Variants in RANBP6 observed in about 807,000 individuals in gnomAD.
RANBP6 encodes the protein ran-binding protein 6.
A neutral mutation model predicts 35.3 loss-of-function variants in RANBP6; 10 were observed. The ratio of observed to expected loss-of-function variants is 0.28; its 90% CI spans 0.17 to 0.48. RANBP6 has a LOEUF of 0.48. Ranked by LOEUF, RANBP6 falls within the 20% of genes least tolerant of loss-of-function variation. The pLI, the probability that RANBP6 is intolerant of heterozygous loss-of-function variation, is 0.99. For missense variants in RANBP6, 1,392 were observed against 1,307.7 expected (o/e 1.06, Z -0.99); for synonymous variants, 514 against 464.2 (o/e 1.11, Z -1.38).
chr9:6,011,301 T>C lies in RANBP6; in HGVS notation c.*989A>G, dbSNP rs1333685720. 3 of 152,218 alleles carry C rather than the reference T, an allele frequency of 2.0e-5. No homozygotes were observed. Among genetic ancestry groups the C allele is most frequent in the African/African-American group, 7.2e-5 (3 of 41,446 alleles). The allele number at this position is 152,218 out of a possible 1,614,324, so 9.4% of individuals were successfully genotyped here. ...CACATCTACTGCTAAATGACTACTC[T>C]CAAAGTTGTTTTCTTTTTCATGTTC... On this transcript the variant is annotated 3_prime_UTR_variant, in exon 1 of 1. Coordinates refer to ENST00000259569, the MANE Select transcript of RANBP6 (RefSeq NM_012416.4).
chr9:6,012,994 G>C lies in RANBP6; in HGVS notation c.2614C>G (p.Leu872Val). 6.2e-7 allele frequency: 1 copy of C among 1,613,606 alleles called. No homozygotes were observed. The highest frequency in any genetic ancestry group is 8.5e-7 in the Non-Finnish European group (1 of 1,179,662). ...KEKILPWFEQ[L>V]LPLIVNLICS... is the part of the protein sequence containing the mutation. Reference sequence around the variant, plus strand: ...ATTAGATTTACAATTAATGGAAGTAGTTGTTCAAACCATGGTAAAATCTTT... The same window carrying C: ...ATTAGATTTACAATTAATGGAAGTACTTGTTCAAACCATGGTAAAATCTTT... Residue 872 changes from leucine (L) to valine (V), a missense_variant, in exon 1 of 1, where the codon CTA (leucine) becomes GTA (valine). Leu to Val is a conservative substitution (Grantham distance 32). Transcript: ENST00000259569.
chr9:6,014,408 T>C lies in RANBP6; in HGVS notation c.1200A>G (p.Gln400=), dbSNP rs760327912. The change falls in exon 1 of 1, where the codon CAA becomes CAG. Residue 400 remains glutamine, a synonymous_variant. Coordinates refer to ENST00000259569, the MANE Select transcript of RANBP6 (RefSeq NM_012416.4). ...CTGTTTCATCTAGAATTGATTCCAT[T>C]TGTTGATGGCATCCTTCTCCAATGG... ...LSAIGEGCHQ[Q]MESILDETVN... 3 of 1,614,190 alleles carry C rather than the reference T, an allele frequency of 1.9e-6. No individual in the cohort carries two copies. The highest frequency in any genetic ancestry group is 8.5e-7 in the Non-Finnish European group (1 of 1,180,022).
In RANBP6 at chr9:6,012,328, G is replaced by T; in HGVS notation, c.3280C>A (p.Gln1094Lys). ...LECVSQLDDEQQEALQELLNF... is the reference protein window; with the variant it reads ...LECVSQLDDEKQEALQELLNF... ...AGCAACTCCTGTAAGGCTTCCTGCT[G>T]TTCATCATCAAGTTGTGATACACAT... Residue 1094 changes from glutamine to lysine, a missense_variant, in exon 1 of 1, where the codon CAG becomes AAG. Coordinates refer to ENST00000259569, the MANE Select transcript of RANBP6 (RefSeq NM_012416.4). 1 of 1,591,824 alleles carries T rather than the reference G, an allele frequency of 6.3e-7. No homozygotes were observed. The highest frequency in any genetic ancestry group is 8.5e-7 in the Non-Finnish European group (1 of 1,171,844).
Position 6,013,326 on chromosome 9 carries a change from A to G in RANBP6, c.2282T>C (p.Leu761Ser). The G allele has an allele frequency of 6.2e-7, 1 of 1,614,202 alleles. No individual in the cohort carries two copies. Among genetic ancestry groups the G allele is most frequent in the Non-Finnish European group, 8.5e-7 (1 of 1,180,020 alleles). The change falls in exon 1 of 1, where the codon TTA (leucine) becomes TCA (serine). Residue 761 changes from leucine to serine, a missense_variant. Leu to Ser is a moderately radical substitution (Grantham distance 145). Transcript: ENST00000259569. ...AQMWQFICDPLIKAIGTEPDT... is the reference protein window; with the variant it reads ...AQMWQFICDPSIKAIGTEPDT... ...TGGTTCAGTACCAATAGCCTTGATT[A>G]AGGGGTCACATATGAATTGCCACAT... is the stretch of plus-strand genomic sequence containing the variant.
Position 6,013,505 on chromosome 9 carries a change from C to T in RANBP6, c.2103G>A (p.Arg701=), listed in dbSNP as rs1419671000. 3.1e-6 allele frequency: 5 copies of T among 1,614,216 alleles called. No individual in the cohort carries two copies. The highest frequency in any genetic ancestry group is 4.2e-6 in the Non-Finnish European group (5 of 1,180,036). Residue 701 remains arginine, a synonymous_variant, in exon 1 of 1, where the codon AGG becomes AGA. Coordinates refer to ENST00000259569, the MANE Select transcript of RANBP6 (RefSeq NM_012416.4). ...QMLVYYAKEL[R]EGFVEYTEQV... ...GTTCTGTATATTCCACAAACCCTTC[C>T]CTTAACTCCTTAGCATAGTAAACCA...
Position 6,015,173 on chromosome 9 carries a change from A to G in RANBP6, c.435T>C (p.Ile145=). The change falls in exon 1 of 1, where the codon ATT becomes ATC. Residue 145 remains isoleucine, a synonymous_variant. Transcript: ENST00000259569. ...CCACATTTTTGGAGTAGATTGAATCAATAAGAAACTTCAGACCTTCCGGCC... is the reference window on the plus strand; with the variant it reads ...CCACATTTTTGGAGTAGATTGAATCGATAAGAAACTTCAGACCTTCCGGCC... The part of the protein sequence containing the change: ...NHWPEGLKFL[I]DSIYSKNVVL... The G allele has an allele frequency of 1.2e-6, 2 of 1,614,152 alleles. No individual in the cohort carries two copies. Among genetic ancestry groups the G allele is most frequent in the South Asian group, 2.2e-5 (2 of 91,082 alleles).
At position 6,012,864 on chromosome 9, in the gene RANBP6, C is replaced by G; in HGVS notation, c.2744G>C (p.Arg915Pro). 1 of 1,613,822 alleles carries G rather than the reference C, an allele frequency of 6.2e-7. No individual in the cohort carries two copies. Among genetic ancestry groups the G allele is most frequent in the Non-Finnish European group, 8.5e-7 (1 of 1,179,920 alleles). The change falls in exon 1 of 1, where the codon CGG (arginine) becomes CCG (proline). Residue 915 changes from arginine (R) to proline (P), a missense_variant. Transcript: ENST00000259569. ...PTSFKYVEYF[R>P]WPMLLNMRDN... is the part of the protein sequence containing the mutation. ...TCGCATATTTAGTAGCATTGGCCAC[C>G]GAAAATATTCTACATATTTAAATGA... is the stretch of plus-strand genomic sequence containing the variant.
chr9:6,012,242 TTG>T lies in RANBP6; in HGVS notation c.*46_*47del, dbSNP rs1842484125. ...AATAAAATCTATTCACAACACTTAT[TTG>T]TAGTTACTTTTATAATAGATAATAT... On this transcript the variant is annotated 3_prime_UTR_variant, in exon 1 of 1. Transcript: ENST00000259569. 7.7e-6 allele frequency: 10 copies of T among 1,304,750 alleles called. No homozygotes were observed. The highest frequency in any genetic ancestry group is 1.0e-5 in the Non-Finnish European group (10 of 966,640). 80.8% of individuals were successfully genotyped at this position (1,304,750 alleles called of 1,614,324 possible).
In RANBP6 at chr9:6,012,966, C is replaced by G; in HGVS notation, c.2642G>C (p.Cys881Ser). ...TCTGTCTGGCCATGGCCTACTTGAA[C>G]AAATTAGATTTACAATTAATGGAAG... is the stretch of plus-strand genomic sequence containing the variant. ...QLLPLIVNLI[C>S]SSRPWPDRQW... Residue 881 changes from cysteine (C) to serine (S), a missense_variant, in exon 1 of 1, where the codon TGT (cysteine) becomes TCT (serine). Coordinates refer to ENST00000259569, the MANE Select transcript of RANBP6 (RefSeq NM_012416.4). The G allele has an allele frequency of 1.2e-6, 2 of 1,614,120 alleles. No homozygotes were observed. Among genetic ancestry groups the G allele is most frequent in the Non-Finnish European group, 1.7e-6 (2 of 1,179,998 alleles).
In RANBP6 at chr9:6,014,105, C is replaced by G. The variant is rs1842530345; in HGVS notation, c.1503G>C (p.Leu501Phe). ...DSMVKNLHSV[L>F]VIKLQELIRN... ...GAATCAACTCTTGAAGTTTAATCAC[C>G]AAGACGGAATGTAGATTTTTCACCA... The change falls in exon 1 of 1, where the codon TTG (leucine) becomes TTC (phenylalanine). Residue 501 changes from leucine to phenylalanine, a missense_variant. Leu to Phe is a conservative substitution (Grantham distance 22). Transcript: ENST00000259569. 3.7e-6 allele frequency: 6 copies of G among 1,614,024 alleles called. No homozygotes were observed. Among genetic ancestry groups the G allele is most frequent in the Non-Finnish European group, 5.1e-6 (6 of 1,180,024 alleles).
Position 6,011,624 on chromosome 9 carries a change from G to T in RANBP6, c.*666C>A, listed in dbSNP as rs1842472649. 1 of 152,066 alleles carries T rather than the reference G, an allele frequency of 6.6e-6. No homozygotes were observed. Among genetic ancestry groups the T allele is most frequent in the African/African-American group, 2.4e-5 (1 of 41,414 alleles). The allele number at this position is 152,066 out of a possible 1,614,324, so 9.4% of individuals were successfully genotyped here. A position where few individuals can be genotyped will look rare whatever the true frequency, so the allele number is the denominator to read the frequency against. Reference sequence around the variant, plus strand: ...CCCTTTTCAGTAACTATGGTTCTTGGAGTCCTGGATAACTTAAAAAAATAG... The same window carrying T: ...CCCTTTTCAGTAACTATGGTTCTTGTAGTCCTGGATAACTTAAAAAAATAG... On this transcript the variant is annotated 3_prime_UTR_variant, in exon 1 of 1. Coordinates refer to ENST00000259569, the MANE Select transcript of RANBP6 (RefSeq NM_012416.4).
rs1842468081 is a variant in RANBP6, at chr9:6,011,441, A to G, written c.*849T>C. 1 of 152,220 alleles carries G rather than the reference A, an allele frequency of 6.6e-6. No individual in the cohort carries two copies. Among genetic ancestry groups the G allele is most frequent in the Non-Finnish European group, 1.5e-5 (1 of 68,038 alleles). 9.4% of individuals were successfully genotyped at this position (152,220 alleles called of 1,614,324 possible). ...AAATCAATTTAAGCCCTATAACTAGAGCTTTTTCTCTTGTTGAGCTGCTTT... is the reference window on the plus strand; with the variant it reads ...AAATCAATTTAAGCCCTATAACTAGGGCTTTTTCTCTTGTTGAGCTGCTTT... On this transcript the variant is annotated 3_prime_UTR_variant, in exon 1 of 1. Transcript: ENST00000259569.
In RANBP6 at chr9:6,013,108, T is replaced by C. The variant is rs778829981; in HGVS notation, c.2500A>G (p.Met834Val). The change falls in exon 1 of 1, where the codon ATG (methionine) becomes GTG (valine). Residue 834 changes from methionine (M) to valine (V), a missense_variant. Transcript: ENST00000259569. ...QEENYDQQVEMSLQDEDECDV... is the reference protein window; with the variant it reads ...QEENYDQQVEVSLQDEDECDV... ...CATTCATCCTCATCTTGCAGAGACA[T>C]CTCAACCTGTTGATCATAGTTTTCT... The C allele has an allele frequency of 6.2e-7, 1 of 1,614,090 alleles. No homozygotes were observed. Among genetic ancestry groups the C allele is most frequent in the Non-Finnish European group, 8.5e-7 (1 of 1,180,000 alleles).
At position 6,012,915 on chromosome 9, in the gene RANBP6, T is replaced by C; in HGVS notation, c.2693A>G (p.Asp898Gly). The C allele has an allele frequency of 6.2e-7, 1 of 1,614,200 alleles. No individual in the cohort carries two copies. Among genetic ancestry groups the C allele is most frequent in the Admixed American group, 1.7e-5 (1 of 60,022 alleles). ...DRQWGLCIFD[D>G]IIEHCSPTSF... ...AGTTGGACTGCAGTGCTCTATGATG[T>C]CATCAAATATGCACAATCCCCACTG... The change falls in exon 1 of 1, where the codon GAC becomes GGC. Residue 898 changes from aspartate to glycine, a missense_variant. Asp to Gly is a moderately conservative substitution (Grantham distance 94). Transcript: ENST00000259569.
In RANBP6 at chr9:6,013,920, C is replaced by G. The variant is rs774697863; in HGVS notation, c.1688G>C (p.Gly563Ala). The change falls in exon 1 of 1, where the codon GGA (glycine) becomes GCA (alanine). Residue 563 changes from glycine (G) to alanine (A), a missense_variant. Physicochemically the swap from Gly to Ala is moderately conservative, Grantham distance 60 (BLOSUM62 0). Coordinates refer to ENST00000259569, the MANE Select transcript of RANBP6 (RefSeq NM_012416.4). Reference sequence around the variant, plus strand: ...ATGGCTAATGCACTCGATAGTTTTTCCTCTCAGAAGCTTGAGTTCCTTCTG... The same window carrying G: ...ATGGCTAATGCACTCGATAGTTTTTGCTCTCAGAAGCTTGAGTTCCTTCTG... ...AVQKELKLLR[G>A]KTIECISHIG... 1 of 1,613,990 alleles carries G rather than the reference C, an allele frequency of 6.2e-7. No homozygotes were observed. Among genetic ancestry groups the G allele is most frequent in the East Asian group, 2.2e-5 (1 of 44,880 alleles).
In RANBP6 at chr9:6,014,224, C is replaced by G. The variant is rs1235646137; in HGVS notation, c.1384G>C (p.Gly462Arg). ...AALLRTMENQ[G>R]NQRVQSHAAS... ...GCATGTGATTGCACACGCTGATTAC[C>G]TTGATTTTCCATGGTACGTAACAGA... Residue 462 changes from glycine to arginine, a missense_variant, in exon 1 of 1, where the codon GGT (glycine) becomes CGT (arginine). Physicochemically the swap from Gly to Arg is moderately radical, Grantham distance 125. Transcript: ENST00000259569. 3 of 1,613,552 alleles carry G rather than the reference C, an allele frequency of 1.9e-6. No homozygotes were observed. The highest frequency in any genetic ancestry group is 3.3e-5 in the Admixed American group (2 of 59,942).
chr9:6,014,441 G>C lies in RANBP6; in HGVS notation c.1167C>G (p.Ala389=), dbSNP rs1247484305. ...GGCATCCTTCTCCAATGGCAGATAA[G>C]GCCATTAATCCAGCATGTCGATACT... ...DWKYRHAGLM[A]LSAIGEGCHQ... The change falls in exon 1 of 1, where the codon GCC becomes GCG. Residue 389 remains alanine (A), a synonymous_variant. Coordinates refer to ENST00000259569, the MANE Select transcript of RANBP6 (RefSeq NM_012416.4). 4 of 1,614,024 alleles carry C rather than the reference G, an allele frequency of 2.5e-6. No individual in the cohort carries two copies. Among genetic ancestry groups the C allele is most frequent in the South Asian group, 2.2e-5 (2 of 91,088 alleles).
At position 6,012,554 on chromosome 9, in the gene RANBP6, A is replaced by C; in HGVS notation, c.3054T>G (p.Ile1018Met). Residue 1018 changes from isoleucine to methionine, a missense_variant, in exon 1 of 1, where the codon ATT becomes ATG. Physicochemically the swap from Ile to Met is conservative, Grantham distance 10 (BLOSUM62 1). Coordinates refer to ENST00000259569, the MANE Select transcript of RANBP6 (RefSeq NM_012416.4). ...LPLHEDKEEA[I>M]QTLSFLCDLI... ...GGTCACAGAGAAAACTCAAAGTCTG[A>C]ATAGCTTCCTCTTTATCTTCATGCA... 2 of 1,613,812 alleles carry C rather than the reference A, an allele frequency of 1.2e-6. No individual in the cohort carries two copies. The highest frequency in any genetic ancestry group is 1.7e-6 in the Non-Finnish European group (2 of 1,179,936).
chr9:6,014,676 T>C lies in RANBP6; in HGVS notation c.932A>G (p.Gln311Arg). The change falls in exon 1 of 1, where the codon CAG becomes CGG. Residue 311 changes from glutamine (Q) to arginine (R), a missense_variant. Transcript: ENST00000259569. ...CATTGCTAATATATGAGGAACTGCC[T>C]GTGCAATAATATTTGTATGTTTTTT... The part of the protein sequence containing the change: ...MLKKHTNIIA[Q>R]AVPHILAMMV... 1.2e-6 allele frequency: 2 copies of C among 1,614,204 alleles called. No individual in the cohort carries two copies. Among genetic ancestry groups the C allele is most frequent in the Non-Finnish European group, 1.7e-6 (2 of 1,180,050 alleles).
Sources: gnomAD v4.1 joint callset for allele counts on GRCh38, gnomAD v4.1.1 for gene constraint, MANE v1.5 for transcripts, NCBI Gene and HGNC (gene_info 2026-07-23, HGNC 2026-07-21) for gene names.